The following ADGRG5 variants were observed in gnomAD, a reference collection of about 807,000 sequenced individuals.
ADGRG5 encodes the protein adhesion G protein-coupled receptor G5, also known as G protein-coupled receptor 114.
ADGRG5 carries 37 observed loss-of-function variants against 53.2 expected under a neutral mutation model. The observed-to-expected ratio is 0.70, with a 90% CI of 0.53 to 0.91. The LOEUF (loss-of-function observed/expected upper bound fraction) is 0.91. ADGRG5 is among the 40% of genes least tolerant of loss of function. The pLI, the probability that ADGRG5 is intolerant of heterozygous loss-of-function variation, is 0.00. For missense variants in ADGRG5, 614 were observed against 675.8 expected (o/e 0.91, Z 1.01); for synonymous variants, 277 against 290.4 (o/e 0.95, Z 0.47).
At chr16:57,552,401 A>G (rs1445076460) in intron 1 of ADGRG5, among the ~76,000 whole-genome samples, 1 of 152,224 alleles carries the variant, frequency 6.6e-6, no homozygotes, top group Non-Finnish European at 1.5e-5. Context: ...GATGTTAGCT[A>G]GTTCTTGTGG....
intron 10 of ADGRG5, among the ~76,000 whole-genome samples, chr16:57,571,081 C>T (rs889545623): frequency 5.3e-5 from 8 of 151,696 alleles, no homozygotes; most frequent in East Asian, 2.0e-4. Context: ...TCCCTGCAGG[C>T]GAGGACGTTA....
chr16:57,569,598 C>T (rs576182611), intron 9 of ADGRG5, among the ~76,000 whole-genome samples: 1 of 151,800 alleles, frequency 6.6e-6, no homozygotes, highest in East Asian at 1.9e-4. Context: ...CCTCCTCCAT[C>T]TCCTCCACCT....
Position 57,551,758 on chromosome 16 carries a change from C to T in ADGRG5, c.-39+9057C>T, listed in dbSNP as rs935956554. On this transcript the variant is annotated intron_variant, in intron 1 of 11. Transcript: ENST00000349457. ...CATGAATCACAATCACATGTTCTTG[C>T]AGCATCTAGAAGGGTGAATCTTTTC... is the stretch of plus-strand genomic sequence containing the variant. Among the ~76,000 whole-genome samples the T allele has an allele frequency of 3.5e-4, 53 of 152,224 alleles. 1 individual carries two copies. Among genetic ancestry groups the T allele is most frequent in the Admixed American group, 3.3e-4 (5 of 15,278 alleles).
intron 1 of ADGRG5, among the ~76,000 whole-genome samples, chr16:57,558,365 G>C (rs957363900): frequency 6.6e-5 from 10 of 152,228 alleles, no homozygotes; most frequent in African/African-American, 2.2e-4. Flanking sequence ...TTCAGCATGA[G>C]GACTTGAGTC....
intron 1 of ADGRG5, among the ~76,000 whole-genome samples, chr16:57,558,926 C>G (rs188322143): frequency 2.0e-4 from 30 of 151,536 alleles, no homozygotes; most frequent in Non-Finnish European, 4.3e-4. Context: ...CTCACTGCAG[C>G]CTCCAACTTC....
At position 57,576,462 on chromosome 16, in the gene ADGRG5, C is replaced by T. The variant is rs2033518190; in HGVS notation, c.*924C>T. The T allele has an allele frequency of 6.6e-6, 1 of 152,084 alleles. No individual in the cohort carries two copies. The highest frequency in any genetic ancestry group is 6.6e-5 in the Admixed American group (1 of 15,258). 9.4% of individuals were successfully genotyped at this position (152,084 alleles called of 1,614,324 possible). On this transcript the variant is annotated 3_prime_UTR_variant, in exon 12 of 12. Transcript: ENST00000349457. ...GGCGTGAGAGTGTGGGTTTTAAATT[C>T]GAAGCTCAGGCCATAGTTTCAGAGA...
intron 7 of ADGRG5, among the ~76,000 whole-genome samples, chr16:57,567,112 T>C (rs1258759978): frequency 1.3e-5 from 2 of 152,102 alleles, no homozygotes; most frequent in African/African-American, 4.8e-5. Flanking sequence ...AAAATCTTCT[T>C]TTACCCAGTT....
In ADGRG5 at chr16:57,575,655, C is replaced by T. The variant is rs2033497269; in HGVS notation, c.*117C>T. The T allele has an allele frequency of 2.7e-6, 2 of 750,704 alleles. No individual in the cohort carries two copies. Among genetic ancestry groups the T allele is most frequent in the Non-Finnish European group, 4.5e-6 (2 of 447,220 alleles). The allele number at this position is 750,704 out of a possible 1,614,324, so 46.5% of individuals were successfully genotyped here. ...TGGACCCCAGAGGCCACTGTGACCG[C>T]CAAGGGGCCTTTTCCACTTCCACGG... On this transcript the variant is annotated 3_prime_UTR_variant, in exon 12 of 12. Transcript: ENST00000349457.
intron 2 of ADGRG5, 80 bp downstream of exon 2, chr16:57,562,237 T>C (rs2033021788): frequency 6.7e-7 from 1 of 1,489,292 alleles, no homozygotes; most frequent in South Asian, 1.2e-5. Context: ...CGTCAAACCA[T>C]GGGAGATTGA....
chr16:57,566,823 A>G, intron 7 of ADGRG5, 72 bp downstream of exon 7: 1 of 1,299,434 alleles, frequency 7.7e-7, no homozygotes, highest in Non-Finnish European at 1.0e-6. Context: ...GCAAGGCAAA[A>G]GCTGGTGCAA....
intron 10 of ADGRG5, among the ~76,000 whole-genome samples, chr16:57,572,828 A>G (rs1410809839): frequency 6.6e-6 from 1 of 152,196 alleles, no homozygotes; most frequent in Non-Finnish European, 1.5e-5. Context: ...CGCCTACCAC[A>G]CTCATCAACT....
At chr16:57,555,919 A>G (rs1567616358) in intron 1 of ADGRG5, among the ~76,000 whole-genome samples, 1 of 152,154 alleles carries the variant, frequency 6.6e-6, no homozygotes, top group Non-Finnish European at 1.5e-5. Context: ...GTGAGTTCTC[A>G]GAAGATCTGA....
upstream of ADGRG5, among the ~76,000 whole-genome samples, chr16:57,541,742 A>AAG (rs141579591): frequency 0.016 from 2,446 of 152,254 alleles, 28 homozygotes; most frequent in Middle Eastern, 0.051. Context: ...GGGCCCAGGC[A>AAG]AGAGAGAGCA....
At chr16:57,562,336 C>T (rs1217598328) in intron 2 of ADGRG5, 48 bp from the exon 3 acceptor site, 1 of 1,526,270 alleles carries the variant, frequency 6.6e-7, no homozygotes, top group Non-Finnish European at 9.0e-7. Flanking sequence ...GGTTGTGGGG[C>T]CAGAGGGCAG....
the ADGRG5 span, among the ~76,000 whole-genome samples, chr16:57,533,563 C>T: frequency 2.0e-5 from 3 of 151,824 alleles, no homozygotes; most frequent in Admixed American, 6.6e-5. Context: ...GGGACCTGCA[C>T]TCACACACAG....
chr16:57,563,280 C>T (rs774276045), intron 4 of ADGRG5, 33 bp downstream of exon 4: 1 of 1,599,854 alleles, frequency 6.3e-7, no homozygotes, highest in Non-Finnish European at 8.5e-7. Context: ...GTGTGGCCAG[C>T]TGCCCCGCCC....
intron 1 of ADGRG5, among the ~76,000 whole-genome samples, chr16:57,545,373 A>G (rs144809429): frequency 6.6e-6 from 1 of 152,364 alleles, no homozygotes; most frequent in East Asian, 1.9e-4. Context: ...ACTGGAAGAA[A>G]CAGGCAAATT....
At chr16:57,550,844 A>G (rs1325267118) in intron 1 of ADGRG5, among the ~76,000 whole-genome samples, 3 of 152,168 alleles carry the variant, frequency 2.0e-5, no homozygotes, top group African/African-American at 7.2e-5. Context: ...CCTGGCCAAC[A>G]TGGTGAAACC....
At chr16:57,557,519 T>A (rs758998418) in intron 1 of ADGRG5, among the ~76,000 whole-genome samples, 3 of 152,238 alleles carry the variant, frequency 2.0e-5, no homozygotes, top group Non-Finnish European at 2.9e-5. Context: ...TGGAAAAAAA[T>A]TGGCCATTTT....
Sources: gnomAD v4.1 joint callset for allele counts (sites outside exome capture counted in the v4.1 genomes callset) on GRCh38, gnomAD v4.1.1 for gene constraint, MANE v1.5 for transcripts, NCBI Gene and HGNC (gene_info 2026-07-23, HGNC 2026-07-21) for gene names.